The following EHBP1 variants were observed in gnomAD, a reference collection of about 807,000 sequenced individuals.
EHBP1 encodes EH domain binding protein 1.
Under a neutral mutation model 144.0 loss-of-function variants are expected in EHBP1, and 55 were observed. The observed-to-expected ratio is 0.38, with a 90% CI of 0.31 to 0.48. EHBP1 has a LOEUF of 0.48. Among genes scored for constraint, EHBP1 ranks in the 20% least tolerant of loss-of-function variants. EHBP1 has a pLI of 0.98. For synonymous variants in EHBP1, 469 were observed against 472.7 expected (o/e 0.99, Z 0.10); for missense variants, 1,200 against 1,364.2 (o/e 0.88, Z 1.90).
At chr2:62,899,594 A>G (rs937605613) in intron 10 of EHBP1, among the ~76,000 whole-genome samples, 3 of 152,232 alleles carry the variant, frequency 2.0e-5, no homozygotes, top group Non-Finnish European at 2.9e-5. Context: ...TGGACAAAGA[A>G]CACCTGGCAT....
At chr2:62,875,034 GGT>G (rs1203950445) in intron 10 of EHBP1, among the ~76,000 whole-genome samples, 2 of 151,754 alleles carry the variant, frequency 1.3e-5, no homozygotes, top group Non-Finnish European at 2.9e-5. Context: ...CGCCATTGCT[GGT>G]GTAAGCATAT....
chr2:62,711,898 A>C lies in EHBP1; in HGVS notation c.104+4603A>C, dbSNP rs923156063. ...ATGGTTCAATGGAGTGGTGGAGATG[A>C]AGACTTGATTAAGTTGGCTTAGAGG... is the stretch of plus-strand genomic sequence containing the variant. On this transcript the variant is annotated intron_variant, in intron 2 of 22. Coordinates refer to ENST00000431489, the MANE Select transcript of EHBP1 (RefSeq NM_001142616.3). 9.2e-5 allele frequency among the ~76,000 whole-genome samples: 14 copies of C among 152,302 alleles called. No homozygotes were observed. The South Asian group carries it at 2.9e-3, about 32-fold the overall frequency.
intron 2 of EHBP1, among the ~76,000 whole-genome samples, chr2:62,726,479 A>T (rs1019248165): frequency 6.6e-6 from 1 of 152,110 alleles, no homozygotes; most frequent in Non-Finnish European, 1.5e-5. Flanking sequence ...TCCTCTGAAG[A>T]TCTGTTAGGC....
chr2:62,766,588 G>T (rs2041206177), intron 4 of EHBP1, among the ~76,000 whole-genome samples: 1 of 152,052 alleles, frequency 6.6e-6, no homozygotes, highest in South Asian at 2.1e-4. Context: ...ACATGGAGTG[G>T]ACTTGAGTAA....
intron 10 of EHBP1, among the ~76,000 whole-genome samples, chr2:62,911,190 T>A (rs1376211229): frequency 6.6e-6 from 1 of 152,208 alleles, no homozygotes; most frequent in Non-Finnish European, 1.5e-5. Flanking sequence ...ACCTGTTAAC[T>A]AGAGCAACTT....
intron 10 of EHBP1, among the ~76,000 whole-genome samples, chr2:62,912,124 ACCATCTCTAT>A (rs2054270990): frequency 6.6e-6 from 1 of 152,184 alleles, no homozygotes; most frequent in Non-Finnish European, 1.5e-5. Context: ...GAACAAAAAA[ACCATCTCTAT>A]GAGTGATATG....
At chr2:62,974,104 T>C (rs1283529018) in intron 14 of EHBP1, among the ~76,000 whole-genome samples, 1 of 152,204 alleles carries the variant, frequency 6.6e-6, no homozygotes, top group Non-Finnish European at 1.5e-5. Flanking sequence ...TGCATACTAT[T>C]CCTCACCTAT....
chr2:62,763,268 T>C (rs1282769040), intron 3 of EHBP1, among the ~76,000 whole-genome samples: 1 of 152,156 alleles, frequency 6.6e-6, no homozygotes, highest in East Asian at 1.9e-4. Context: ...TATTATATAT[T>C]TTTCTTAATT....
chr2:63,036,648 G>A (rs556475063), intron 19 of EHBP1, among the ~76,000 whole-genome samples: 10 of 151,996 alleles, frequency 6.6e-5, no homozygotes, highest in South Asian at 4.1e-4. Context: ...TTAGAAATTC[G>A]ACTAGGTATA....
chr2:63,013,804 CAG>C (rs2060371407), intron 19 of EHBP1, among the ~76,000 whole-genome samples: 1 of 152,182 alleles, frequency 6.6e-6, no homozygotes, highest in South Asian at 2.1e-4. Context: ...AAGAGTACAA[CAG>C]GGGGTTGGGT....
At chr2:62,948,184 T>C in intron 12 of EHBP1, 76 bp from the exon 13 acceptor site, 4 of 1,350,176 alleles carry the variant, frequency 3.0e-6, no homozygotes, top group Non-Finnish European at 3.9e-6. Context: ...CAACAAAAAT[T>C]AAAAATGTGC....
At chr2:62,981,480 G>C (rs2058969018) in intron 15 of EHBP1, among the ~76,000 whole-genome samples, 1 of 152,128 alleles carries the variant, frequency 6.6e-6, no homozygotes, top group African/African-American at 2.4e-5. Context: ...GTTTTTCCCA[G>C]TAGTGAGCAG....
At chr2:62,841,241 C>G (rs948005891) in intron 7 of EHBP1, among the ~76,000 whole-genome samples, 12 of 149,646 alleles carry the variant, frequency 8.0e-5, no homozygotes, top group Non-Finnish European at 1.0e-4. Context: ...ATCGCAAGAT[C>G]AAAAAACCAA....
At chr2:62,827,624 G>T (rs1283986985) in intron 6 of EHBP1, among the ~76,000 whole-genome samples, 2 of 151,726 alleles carry the variant, frequency 1.3e-5, no homozygotes, top group African/African-American at 4.8e-5. Flanking sequence ...AAATGTTCAG[G>T]TTTAAAATGT....
At chr2:62,936,846 T>A (rs1209232504) in intron 10 of EHBP1, among the ~76,000 whole-genome samples, 1 of 152,204 alleles carries the variant, frequency 6.6e-6, no homozygotes, top group Non-Finnish European at 1.5e-5. Context: ...CTGTTGATAG[T>A]TTTTGGGTTC....
At chr2:62,803,428 C>T (rs551197529) in intron 5 of EHBP1, among the ~76,000 whole-genome samples, 11 of 152,170 alleles carry the variant, frequency 7.2e-5, no homozygotes, top group Non-Finnish European at 1.3e-4. Context: ...CTGTTTTTCA[C>T]ACCCTCAGCG....
At chr2:62,822,519 T>C (rs2046056301) in intron 5 of EHBP1, among the ~76,000 whole-genome samples, 1 of 152,222 alleles carries the variant, frequency 6.6e-6, no homozygotes, top group Non-Finnish European at 1.5e-5. Context: ...GACTATATGC[T>C]AAATACTCTA....
intron 20 of EHBP1, among the ~76,000 whole-genome samples, chr2:63,038,287 C>A (rs1438098057): frequency 6.6e-6 from 1 of 151,932 alleles, no homozygotes; most frequent in Non-Finnish European, 1.5e-5. Flanking sequence ...ATAATTTCTG[C>A]CATGCCTGAA....
At chr2:62,809,456 G>A (rs955347741) in intron 5 of EHBP1, among the ~76,000 whole-genome samples, 1 of 152,064 alleles carries the variant, frequency 6.6e-6, no homozygotes. Context: ...AAAGCATGGG[G>A]TTGCCGTGTG....
Sources: allele counts gnomAD v4.1 joint callset (sites outside exome capture counted in the v4.1 genomes callset), GRCh38; gene constraint gnomAD v4.1.1; transcripts MANE v1.5; gene names NCBI Gene and HGNC (gene_info 2026-07-23, HGNC 2026-07-21).